CYP2J2: variants seen among roughly 807,000 people sequenced by gnomAD.
CYP2J2 encodes cytochrome P450 family 2 subfamily J member 2.
Under a neutral mutation model 48.8 loss-of-function variants are expected in CYP2J2, and 41 were observed. That is an observed-to-expected ratio of 0.84 (90% CI 0.66 to 1.09). The LOEUF is 1.09. CYP2J2 is among the 50% of genes least tolerant of loss of function. The probability of loss-of-function intolerance (pLI) is 0.00; values close to 1 mark genes in which losing one functional copy is unlikely to be tolerated. For missense variants in CYP2J2, 644 were observed against 617.3 expected, an observed-to-expected ratio of 1.04 and a Z score of -0.46; for synonymous variants, 221 against 227.1, an observed-to-expected ratio of 0.97 and a Z score of 0.24.
chr1:59,961,775 A>G, the CYP2J2 span, among the ~76,000 whole-genome samples: 1 of 152,098 alleles, frequency 6.6e-6, no homozygotes, highest in Non-Finnish European at 1.5e-5. Flanking sequence ...CAATATTATA[A>G]TTATATAATA....
chr1:59,931,242 A>G (rs890707192), upstream of CYP2J2, among the ~76,000 whole-genome samples: 3 of 152,156 alleles, frequency 2.0e-5, no homozygotes, highest in African/African-American at 7.2e-5. Flanking sequence ...TAAATTCAAA[A>G]TTGAAATTTT....
At chr1:59,929,267 A>G (rs765386955), upstream of CYP2J2, among the ~76,000 whole-genome samples, 4 of 152,250 alleles carry the variant, frequency 2.6e-5, no homozygotes, top group Non-Finnish European at 5.9e-5. Flanking sequence ...AAATGAAATT[A>G]CAAACAAAAA....
chr1:59,915,336 C>T (rs1019608518), intron 2 of CYP2J2, among the ~76,000 whole-genome samples: 14 of 152,128 alleles, frequency 9.2e-5, no homozygotes, highest in African/African-American at 3.4e-4. Context: ...AGGAGAAATA[C>T]CCATAGGTGT....
chr1:59,942,777 G>A, the CYP2J2 span, among the ~76,000 whole-genome samples: 23 of 152,184 alleles, frequency 1.5e-4, no homozygotes, highest in East Asian at 4.3e-3. Context: ...TTTGGAAGTA[G>A]AGTTAAAACG....
At chr1:59,964,302 G>C in the CYP2J2 span, among the ~76,000 whole-genome samples, 2 of 152,230 alleles carry the variant, frequency 1.3e-5, no homozygotes, top group Non-Finnish European at 2.9e-5. Flanking sequence ...TGGGAACCAA[G>C]CGTGTGAATA....
the CYP2J2 span, among the ~76,000 whole-genome samples, chr1:59,965,583 C>G: frequency 6.6e-6 from 1 of 152,176 alleles, no homozygotes; most frequent in Admixed American, 6.5e-5. Flanking sequence ...CTGGGATGAA[C>G]GCTCAGTGGA....
At chr1:59,894,698 A>T (rs961626171) in intron 8 of CYP2J2, among the ~76,000 whole-genome samples, 3 of 152,250 alleles carry the variant, frequency 2.0e-5, no homozygotes, top group African/African-American at 7.2e-5. Context: ...GCTGAATCCA[A>T]ATAAGCTAAA....
upstream of CYP2J2, among the ~76,000 whole-genome samples, chr1:59,931,405 A>C (rs1054513248): frequency 2.0e-5 from 3 of 152,240 alleles, no homozygotes; most frequent in East Asian, 5.8e-4. Context: ...TGTATTAACC[A>C]GTCCCCCAAA....
chr1:59,943,596 G>A, the CYP2J2 span, among the ~76,000 whole-genome samples: 1 of 152,142 alleles, frequency 6.6e-6, no homozygotes, highest in Non-Finnish European at 1.5e-5. Flanking sequence ...CAAGTTCGAT[G>A]AGTATATGCC....
chr1:59,919,303 TC>T (rs1644492690), intron 1 of CYP2J2, among the ~76,000 whole-genome samples: 1 of 152,276 alleles, frequency 6.6e-6, no homozygotes, highest in South Asian at 2.1e-4. Context: ...TCAACTTTTT[TC>T]TCATTGATAA....
At chr1:59,904,088 A>G (rs1369429250) in intron 7 of CYP2J2, among the ~76,000 whole-genome samples, 1 of 152,160 alleles carries the variant, frequency 6.6e-6, no homozygotes, top group African/African-American at 2.4e-5. Context: ...TAAATTATAC[A>G]TCTGTCAGAA....
chr1:59,893,633 C>T lies in CYP2J2; in HGVS notation c.*18G>A. The T allele has an allele frequency of 1.3e-6, 2 of 1,563,868 alleles. No individual in the cohort carries two copies. Among genetic ancestry groups the T allele is most frequent in the Non-Finnish European group, 1.7e-6 (2 of 1,152,482 alleles). ...CCATGTCTTCTTACTTTCCTTGCCC[C>T]TTTCTTTCTTAACAATATTACACCT... On this transcript the variant is annotated 3_prime_UTR_variant, in exon 9 of 9. Coordinates refer to ENST00000371204, the MANE Select transcript of CYP2J2 (RefSeq NM_000775.4).
At chr1:59,902,710 C>T (rs769995091) in intron 7 of CYP2J2, among the ~76,000 whole-genome samples, 17 of 152,144 alleles carry the variant, frequency 1.1e-4, no homozygotes, top group African/African-American at 2.2e-4. Flanking sequence ...CCACCATGCC[C>T]GGCCAATAAT....
At position 59,903,475 on chromosome 1, in the gene CYP2J2, G is replaced by A. The variant is rs11572297; in HGVS notation, c.1191+1396C>T. Among the ~76,000 whole-genome samples the A allele has an allele frequency of 1.7e-3, 256 of 152,234 alleles. 2 individuals carry two copies. The highest frequency in any genetic ancestry group is 0.012 in the East Asian group (64 of 5,186). On this transcript the variant is annotated intron_variant, in intron 7 of 8. Coordinates refer to ENST00000371204, the MANE Select transcript of CYP2J2 (RefSeq NM_000775.4). The stretch of plus-strand genomic sequence containing the variant: ...TTACTTATAATGGGAGGTAAACATC[G>A]GATAGACATCGACATAAAGATAGGA...
chr1:59,956,538 C>T, the CYP2J2 span, among the ~76,000 whole-genome samples: 5 of 152,062 alleles, frequency 3.3e-5, no homozygotes, highest in East Asian at 3.9e-4. Context: ...TTTTAATAGA[C>T]GAAGTAATTT....
At chr1:59,955,962 G>T in the CYP2J2 span, among the ~76,000 whole-genome samples, 6 of 152,036 alleles carry the variant, frequency 3.9e-5, no homozygotes, top group African/African-American at 1.2e-4. Flanking sequence ...GGGTAAAGTT[G>T]CACACATCAT....
chr1:59,961,638 A>G, the CYP2J2 span, among the ~76,000 whole-genome samples: 2 of 152,188 alleles, frequency 1.3e-5, no homozygotes, highest in African/African-American at 4.8e-5. Context: ...TGAAAAATGA[A>G]AACACATGTC....
intron 1 of CYP2J2, among the ~76,000 whole-genome samples, chr1:59,925,133 G>C (rs1424971675): frequency 6.6e-6 from 1 of 152,206 alleles, no homozygotes; most frequent in East Asian, 1.9e-4. Context: ...AAACAACAGA[G>C]TTTCTAAATA....
At chr1:59,961,917 C>T in the CYP2J2 span, among the ~76,000 whole-genome samples, 1 of 151,946 alleles carries the variant, frequency 6.6e-6, no homozygotes, top group Non-Finnish European at 1.5e-5. Context: ...AGTATGATTG[C>T]TTTTATATGA....
Sources: allele counts gnomAD v4.1 joint callset (sites outside exome capture counted in the v4.1 genomes callset), GRCh38; gene constraint gnomAD v4.1.1; transcripts MANE v1.5; gene names NCBI Gene and HGNC (gene_info 2026-07-23, HGNC 2026-07-21).